SPRED2: variants seen among roughly 807,000 people sequenced by gnomAD.
The protein encoded by SPRED2 is sprouty related EVH1 domain containing 2.
In SPRED2, 47 loss-of-function variants were observed where a neutral mutation model predicts 43.0. That is an observed-to-expected ratio of 1.09 (90% CI 0.87 to 1.40). The LOEUF (loss-of-function observed/expected upper bound fraction) is 1.40, where lower values mean the gene tolerates loss of function less well. Ranked by LOEUF, SPRED2 falls within the 40% of genes most tolerant of loss-of-function variation. SPRED2 has a pLI of 0.00. For synonymous variants in SPRED2, 225 were observed against 225.7 expected (o/e 1.00, Z 0.03); for missense variants, 561 against 586.4 (o/e 0.96, Z 0.45).
chr2:65,321,504 T>TA (rs70943644), intron 4 of SPRED2, among the ~76,000 whole-genome samples: 764 of 55,804 alleles, frequency 0.014, 15 homozygotes, highest in Middle Eastern at 0.019. Context: ...AGACCCTGTC[T>TA]AAAAAAAAAA....
chr2:65,345,108 A>T (rs1046203756), intron 1 of SPRED2, among the ~76,000 whole-genome samples: 2 of 152,230 alleles, frequency 1.3e-5, no homozygotes, highest in Non-Finnish European at 2.9e-5. Flanking sequence ...TTTAAAAAAG[A>T]TAAGTAATTA....
chr2:65,405,010 C>T (rs954581170), intron 1 of SPRED2, among the ~76,000 whole-genome samples: 1 of 152,162 alleles, frequency 6.6e-6, no homozygotes, highest in Non-Finnish European at 1.5e-5. Flanking sequence ...TTCTGTCACA[C>T]GTTATAAACA....
At chr2:65,335,880 C>A (rs1008165528) in intron 2 of SPRED2, among the ~76,000 whole-genome samples, 1 of 152,142 alleles carries the variant, frequency 6.6e-6, no homozygotes, top group African/African-American at 2.4e-5. Flanking sequence ...TTACAAACAC[C>A]ATAATGATTT....
intron 1 of SPRED2, among the ~76,000 whole-genome samples, chr2:65,394,833 A>G (rs1019445299): frequency 6.6e-6 from 1 of 152,166 alleles, no homozygotes; most frequent in African/African-American, 2.4e-5. Context: ...AGGCTTTTTC[A>G]TTTTTATATG....
chr2:65,389,153 C>T (rs1012835948), intron 1 of SPRED2, among the ~76,000 whole-genome samples: 27 of 152,064 alleles, frequency 1.8e-4, no homozygotes, highest in Admixed American at 1.7e-3. Flanking sequence ...TCCATCTGGC[C>T]AGGCCCGAGA....
chr2:65,391,718 T>A (rs1201137808), intron 1 of SPRED2, among the ~76,000 whole-genome samples: 1 of 152,236 alleles, frequency 6.6e-6, no homozygotes. Context: ...GATGAATTTT[T>A]TTTTAAAAGA....
At chr2:65,404,127 G>A (rs373440482) in intron 1 of SPRED2, among the ~76,000 whole-genome samples, 33 of 151,726 alleles carry the variant, frequency 2.2e-4, no homozygotes, top group African/African-American at 4.1e-4. Flanking sequence ...ACTCTTGAAC[G>A]CCCAGGAGAC....
intron 4 of SPRED2, among the ~76,000 whole-genome samples, chr2:65,326,248 T>C (rs547343126): frequency 6.6e-6 from 1 of 152,300 alleles, no homozygotes; most frequent in African/African-American, 2.4e-5. Flanking sequence ...TTCGTTCCTT[T>C]CTTAACCTCA....
chr2:65,336,352 G>T (rs1673966068), intron 2 of SPRED2, among the ~76,000 whole-genome samples: 1 of 152,090 alleles, frequency 6.6e-6, no homozygotes, highest in African/African-American at 2.4e-5. Context: ...GTGAGACTCT[G>T]TCTCAACAAA....
At chr2:65,427,298 T>C (rs772511783) in intron 1 of SPRED2, among the ~76,000 whole-genome samples, 4 of 152,164 alleles carry the variant, frequency 2.6e-5, no homozygotes, top group Non-Finnish European at 4.4e-5. Flanking sequence ...AGGCTGGTTT[T>C]CCTGGCCTCA....
At chr2:65,350,751 C>G (rs61330787) in intron 1 of SPRED2, among the ~76,000 whole-genome samples, 17,984 of 152,160 alleles carry the variant, frequency 0.12, 2,605 homozygotes, top group African/African-American at 0.35. Context: ...TAGACCTCAG[C>G]CTTTATGTTC....
rs78741808 is a variant in SPRED2 at position 65,340,701 on chromosome 2, G to A, written c.204+4018C>T. On this transcript the variant is annotated intron_variant, in intron 2 of 5. Transcript: ENST00000356388. ...CAGAGACTTTTCCCACAGAAACAAT[G>A]GTAGTTAACAGCCCTCAATATGTAA... Among the ~76,000 whole-genome samples the A allele has an allele frequency of 1.9e-3, 282 of 152,298 alleles. 1 individual carries two copies. Among genetic ancestry groups the A allele is most frequent in the African/African-American group, 6.2e-3 (256 of 41,568 alleles).
intron 1 of SPRED2, among the ~76,000 whole-genome samples, chr2:65,404,008 C>A (rs1453193575): frequency 6.6e-6 from 1 of 152,024 alleles, no homozygotes. Context: ...AGTTAGAGAC[C>A]AGCCTGGCTA....
At chr2:65,356,455 C>G (rs905637120) in intron 1 of SPRED2, among the ~76,000 whole-genome samples, 1 of 149,066 alleles carries the variant, frequency 6.7e-6, no homozygotes. Flanking sequence ...AACACTAAAT[C>G]TACAAGATGC....
intron 1 of SPRED2, among the ~76,000 whole-genome samples, chr2:65,388,299 C>T (rs184739405): frequency 1.8e-4 from 27 of 152,312 alleles, no homozygotes; most frequent in Admixed American, 1.2e-3. Context: ...AGGTAGAGAT[C>T]GCGTGTCTCC....
intron 1 of SPRED2, among the ~76,000 whole-genome samples, chr2:65,397,801 T>C (rs1164106831): frequency 1.3e-5 from 2 of 152,014 alleles, no homozygotes; most frequent in Admixed American, 1.3e-4. Context: ...ATTGTGAAAA[T>C]GACCATACTG....
chr2:65,431,889 G>A, intron 1 of SPRED2, 73 bp downstream of exon 1: 14 of 1,566,252 alleles, frequency 8.9e-6, no homozygotes, highest in Non-Finnish European at 1.1e-5. Flanking sequence ...AAGCGTCCCC[G>A]CCCGCATCCT....
chr2:65,380,912 ATGGCATTAAT>A (rs950045603), intron 1 of SPRED2, among the ~76,000 whole-genome samples: 1 of 152,236 alleles, frequency 6.6e-6, no homozygotes, highest in Non-Finnish European at 1.5e-5. Flanking sequence ...AGAGCATTAA[ATGGCATTAAT>A]GATATTAATG....
At chr2:65,421,407 T>C (rs569970760) in intron 1 of SPRED2, among the ~76,000 whole-genome samples, 2 of 152,334 alleles carry the variant, frequency 1.3e-5, no homozygotes, top group East Asian at 3.9e-4. Flanking sequence ...GAACCCTCAG[T>C]GGCATAATTC....
Sources: allele counts gnomAD v4.1 joint callset (sites outside exome capture counted in the v4.1 genomes callset), GRCh38; gene constraint gnomAD v4.1.1; transcripts MANE v1.5; gene names NCBI Gene and HGNC (gene_info 2026-07-23, HGNC 2026-07-21).